Variants in FRMPD1 observed in about 807,000 individuals in gnomAD.
FRMPD1 encodes the protein FERM and PDZ domain containing 1.
FRMPD1 carries 76 observed loss-of-function variants against 117.8 expected under a neutral mutation model. The observed-to-expected ratio is 0.65, with a 90% CI of 0.54 to 0.78. FRMPD1 has a LOEUF of 0.78. Ranked by LOEUF, FRMPD1 falls within the 30% of genes least tolerant of loss-of-function variation. The pLI is 0.00. For missense variants in FRMPD1, 1,786 were observed against 1,964.5 expected (o/e 0.91, Z 1.72); for synonymous variants, 783 against 770.4 (o/e 1.02, Z -0.27).
intron 1 of FRMPD1, among the ~76,000 whole-genome samples, chr9:37,669,066 AC>A (rs753648104): frequency 2.6e-5 from 4 of 152,196 alleles, no homozygotes; most frequent in Non-Finnish European, 5.9e-5. Context: ...TACACAGCTA[AC>A]TAGTGACAGA....
intron 14 of FRMPD1, among the ~76,000 whole-genome samples, chr9:37,739,672 G>A (rs962788715): frequency 6.6e-6 from 1 of 152,200 alleles, no homozygotes; most frequent in African/African-American, 2.4e-5. Context: ...AGGATCTGTT[G>A]TATTTTTAAA....
intron 5 of FRMPD1, among the ~76,000 whole-genome samples, chr9:37,717,577 G>A (rs537541872): frequency 6.6e-4 from 100 of 151,804 alleles, no homozygotes; most frequent in Non-Finnish European, 9.9e-4. Context: ...ATGGGGTTTC[G>A]CCATGTTGGC....
rs77214982 is a variant in FRMPD1, at chr9:37,665,853, C to G, written c.-5+14759C>G. Among the ~76,000 whole-genome samples the G allele has an allele frequency of 8.8e-3, 1,347 of 152,268 alleles. 17 individuals carry two copies. Among genetic ancestry groups the G allele is most frequent in the African/African-American group, 0.031 (1,295 of 41,564 alleles). ...ACCCCAGCAGCCACATGTGAGGGCT[C>G]AGCAGTATGCACCTGTGTTGGCACT... On this transcript the variant is annotated intron_variant, in intron 1 of 15. Transcript: ENST00000377765.
chr9:37,605,783 T>C, the FRMPD1 span, among the ~76,000 whole-genome samples: 3 of 152,018 alleles, frequency 2.0e-5, no homozygotes, highest in South Asian at 2.1e-4. Flanking sequence ...GGCATGATCA[T>C]AGCTCATCAC....
At chr9:37,665,817 T>C (rs1439445203) in intron 1 of FRMPD1, among the ~76,000 whole-genome samples, 1 of 152,138 alleles carries the variant, frequency 6.6e-6, no homozygotes, top group Admixed American at 6.5e-5. Flanking sequence ...ACTCCTGCCT[T>C]ATGGTTCTGG....
the FRMPD1 span, among the ~76,000 whole-genome samples, chr9:37,636,375 G>A: frequency 6.6e-6 from 1 of 152,168 alleles, no homozygotes; most frequent in African/African-American, 2.4e-5. Flanking sequence ...GGGGTGGGAG[G>A]GAGACCGACA....
chr9:37,641,662 A>G, the FRMPD1 span, among the ~76,000 whole-genome samples: 1 of 152,200 alleles, frequency 6.6e-6, no homozygotes, highest in African/African-American at 2.4e-5. Context: ...AAGAAAATCT[A>G]GATCATCCCT....
chr9:37,611,503 A>T, the FRMPD1 span, among the ~76,000 whole-genome samples: 1 of 152,026 alleles, frequency 6.6e-6, no homozygotes, highest in African/African-American at 2.4e-5. Context: ...AGAGGGAATC[A>T]CTAAAAATGT....
chr9:37,704,947 T>C (rs1189590839), intron 2 of FRMPD1, among the ~76,000 whole-genome samples: 1 of 152,192 alleles, frequency 6.6e-6, no homozygotes, highest in African/African-American at 2.4e-5. Flanking sequence ...AATAAATCCT[T>C]CTTCCCCTGA....
chr9:37,622,094 T>C, the FRMPD1 span, among the ~76,000 whole-genome samples: 40 of 152,284 alleles, frequency 2.6e-4, no homozygotes, highest in East Asian at 4.6e-3. Flanking sequence ...GAAGTAATAC[T>C]TTCATAGTGG....
intron 6 of FRMPD1, among the ~76,000 whole-genome samples, chr9:37,723,547 G>A (rs1348608770): frequency 1.3e-5 from 2 of 152,172 alleles, no homozygotes; most frequent in Non-Finnish European, 2.9e-5. Flanking sequence ...CATACCCAGG[G>A]GCAGGAAAGC....
intron 1 of FRMPD1, chr9:37,670,115 T>A (rs928344702): frequency 1.3e-5 from 2 of 152,220 alleles, no homozygotes; most frequent in Admixed American, 6.5e-5. Context: ...ACTTGCTACT[T>A]CTCTAAGCAC....
chr9:37,698,436 G>T (rs866166777), intron 2 of FRMPD1, among the ~76,000 whole-genome samples: 2 of 152,006 alleles, frequency 1.3e-5, no homozygotes, highest in Non-Finnish European at 2.9e-5. Context: ...TCTGTGAGTG[G>T]GAGATTGGAC....
intron 7 of FRMPD1, among the ~76,000 whole-genome samples, chr9:37,725,817 C>T (rs1415164252): frequency 6.6e-6 from 1 of 152,246 alleles, no homozygotes; most frequent in East Asian, 1.9e-4. Context: ...GATCAGCTAG[C>T]TCATAACTGG....
intron 15 of FRMPD1, among the ~76,000 whole-genome samples, chr9:37,743,904 G>GA (rs139303991): frequency 0.18 from 25,397 of 144,512 alleles, 2,215 homozygotes; most frequent in Admixed American, 0.21. Context: ...CAAAAAAAAA[G>GA]AAAAAAAAAA....
At chr9:37,692,525 A>G (rs1822174495) in intron 1 of FRMPD1, 113 bp from the exon 2 acceptor site, 4 of 746,574 alleles carry the variant, frequency 5.4e-6, no homozygotes, top group Admixed American at 3.9e-5. Context: ...AACACTAGTT[A>G]TTCGATTAGC....
the FRMPD1 span, among the ~76,000 whole-genome samples, chr9:37,613,692 T>C: frequency 2.0e-5 from 3 of 152,362 alleles, no homozygotes; most frequent in South Asian, 6.2e-4. Context: ...TCACATTCTT[T>C]CAAGCACCTT....
intron 1 of FRMPD1, among the ~76,000 whole-genome samples, chr9:37,691,927 A>G (rs200442786): frequency 2.0e-5 from 3 of 152,248 alleles, no homozygotes; most frequent in East Asian, 1.9e-4. Context: ...AGAAAAGAAA[A>G]GAAAAGAAAC....
chr9:37,676,401 C>T (rs1821529359), intron 1 of FRMPD1, among the ~76,000 whole-genome samples: 1 of 152,112 alleles, frequency 6.6e-6, no homozygotes, highest in Non-Finnish European at 1.5e-5. Context: ...TCAAACTGGA[C>T]ACTTCTCTAC....
Sources: allele counts gnomAD v4.1 joint callset (sites outside exome capture counted in the v4.1 genomes callset), GRCh38; gene constraint gnomAD v4.1.1; transcripts MANE v1.5; gene names NCBI Gene and HGNC (gene_info 2026-07-23, HGNC 2026-07-21).